PTPN4: variants seen among roughly 807,000 people sequenced by gnomAD.
PTPN4 encodes tyrosine-protein phosphatase non-receptor type 4.
In PTPN4, 49 loss-of-function variants were observed where a neutral mutation model predicts 135.5. The observed-to-expected ratio is 0.36, with a 90% CI of 0.29 to 0.46. The LOEUF is 0.46. PTPN4 is among the 20% of genes least tolerant of loss of function. PTPN4 has a pLI of 1.00. For missense variants in PTPN4, 860 were observed against 1,101.0 expected (o/e 0.78, Z 3.10); for synonymous variants, 333 against 369.9 (o/e 0.90, Z 1.14).
At chr2:119,806,107 C>A (rs1204649034) in intron 1 of PTPN4, among the ~76,000 whole-genome samples, 1 of 152,106 alleles carries the variant, frequency 6.6e-6, no homozygotes, top group Non-Finnish European at 1.5e-5. Context: ...ACAACTGGTA[C>A]CCGCCACTGT....
At chr2:119,935,900 C>T (rs2105040444) in intron 15 of PTPN4, among the ~76,000 whole-genome samples, 2 of 152,208 alleles carry the variant, frequency 1.3e-5, no homozygotes, top group South Asian at 4.2e-4. Context: ...TTATTACAAA[C>T]CAAAACCAAT....
rs565434153 is a variant in PTPN4 at position 119,880,323 on chromosome 2, A to G, written c.369-1463A>G. On this transcript the variant is annotated intron_variant, in intron 5 of 26. Coordinates refer to ENST00000263708, the MANE Select transcript of PTPN4 (RefSeq NM_002830.4). ...AGTATGTAAGTAAAATTTGGCAAGT[A>G]TAGGCATTATTTATGTCAGATTTAC... Among the ~76,000 whole-genome samples, 84 of 152,320 alleles carry G rather than the reference A, an allele frequency of 5.5e-4. No individual in the cohort carries two copies. The South Asian group carries it at 8.3e-3, about 15-fold the overall frequency.
intron 1 of PTPN4, among the ~76,000 whole-genome samples, chr2:119,792,820 G>T (rs1343817846): frequency 6.6e-6 from 1 of 152,188 alleles, no homozygotes; most frequent in African/African-American, 2.4e-5. Flanking sequence ...ATGTCAGTAG[G>T]TTCTGTGATG....
At chr2:119,807,042 C>T (rs1691484233) in intron 1 of PTPN4, among the ~76,000 whole-genome samples, 1 of 152,112 alleles carries the variant, frequency 6.6e-6, no homozygotes, top group South Asian at 2.1e-4. Context: ...AGAACAAAGA[C>T]ACAACGTACC....
At chr2:119,768,689 C>G (rs1690681726) in intron 1 of PTPN4, among the ~76,000 whole-genome samples, 1 of 152,178 alleles carries the variant, frequency 6.6e-6, no homozygotes, top group Non-Finnish European at 1.5e-5. Flanking sequence ...CTTCCGACCC[C>G]GCATTAGTTG....
chr2:119,841,580 AG>A (rs1677382265), intron 2 of PTPN4, among the ~76,000 whole-genome samples: 1 of 152,206 alleles, frequency 6.6e-6, no homozygotes, highest in South Asian at 2.1e-4. Flanking sequence ...CTCCAGCTGT[AG>A]TACTAATAGT....
intron 2 of PTPN4, among the ~76,000 whole-genome samples, chr2:119,842,759 ATCT>A (rs746067648): frequency 3.5e-4 from 54 of 152,224 alleles, no homozygotes; most frequent in Non-Finnish European, 7.3e-4. Context: ...CAATGGTAAC[ATCT>A]TCTCTAACTG....
chr2:119,812,378 C>T (rs750687564), intron 2 of PTPN4, among the ~76,000 whole-genome samples: 5 of 152,096 alleles, frequency 3.3e-5, no homozygotes, highest in Non-Finnish European at 5.9e-5. Flanking sequence ...TGGAGACTAC[C>T]AGGCATTGGA....
chr2:119,877,245 A>G, intron 3 of PTPN4, 78 bp from the exon 4 acceptor site: 1 of 1,487,574 alleles, frequency 6.7e-7, no homozygotes. Flanking sequence ...TTAATCTCCA[A>G]ATGGAACAGA....
chr2:119,784,913 TG>T, intron 1 of PTPN4, among the ~76,000 whole-genome samples: 1 of 151,062 alleles, frequency 6.6e-6, no homozygotes, highest in South Asian at 2.1e-4. Flanking sequence ...TTTATCAGTC[TG>T]GGTTCCTCAT....
intron 2 of PTPN4, among the ~76,000 whole-genome samples, chr2:119,840,343 C>T (rs1221235196): frequency 1.3e-5 from 2 of 152,180 alleles, no homozygotes; most frequent in Non-Finnish European, 2.9e-5. Context: ...CTCCCACTTA[C>T]AAGTGAGAAC....
intron 1 of PTPN4, among the ~76,000 whole-genome samples, chr2:119,783,169 T>C (rs79663394): frequency 0.023 from 3,531 of 152,308 alleles, 128 homozygotes; most frequent in African/African-American, 0.077. Context: ...TCATTCATTT[T>C]TGCAGTAAGG....
chr2:119,874,926 T>C (rs777297487), intron 3 of PTPN4, among the ~76,000 whole-genome samples: 1 of 152,202 alleles, frequency 6.6e-6, no homozygotes, highest in African/African-American at 2.4e-5. Context: ...CTCACGTGTG[T>C]GTCATCAAAC....
chr2:119,956,714 A>G lies in PTPN4; in HGVS notation c.1981-130A>G, dbSNP rs1195041910. On this transcript the variant is annotated intron_variant, in intron 20 of 26. Coordinates refer to ENST00000263708, the MANE Select transcript of PTPN4 (RefSeq NM_002830.4). ...TCAGTACTCTACTAGACTATGGTAT[A>G]TCATTGTATAGATGACCTATTCAAA... 3.4e-6 allele frequency: 5 copies of G among 1,457,076 alleles called. No homozygotes were observed. The South Asian group carries it at 4.0e-5, about 12-fold the overall frequency. The allele number at this position is 1,457,076 out of a possible 1,614,324, so 90.3% of individuals were successfully genotyped here. A position where few individuals can be genotyped will look rare whatever the true frequency, so the allele number is the denominator to read the frequency against.
At chr2:119,955,073 T>G in intron 19 of PTPN4, 84 bp from the exon 20 acceptor site, 2 of 1,233,182 alleles carry the variant, frequency 1.6e-6, no homozygotes, top group Non-Finnish European at 2.2e-6. Context: ...AACAAAACAT[T>G]ATACAGTGTA....
At chr2:119,764,883 A>G (rs913505629) in intron 1 of PTPN4, among the ~76,000 whole-genome samples, 2 of 152,202 alleles carry the variant, frequency 1.3e-5, no homozygotes, top group Non-Finnish European at 2.9e-5. Context: ...TATTTAAAAA[A>G]TAAAGTTGTG....
At chr2:119,828,055 A>C (rs13417007) in intron 2 of PTPN4, among the ~76,000 whole-genome samples, 9,071 of 152,182 alleles carry the variant, frequency 0.06, 880 homozygotes, top group African/African-American at 0.21. Context: ...GCAGCTTCCA[A>C]TTGGGTCTCC....
At chr2:119,835,351 A>T (rs1003615160) in intron 2 of PTPN4, among the ~76,000 whole-genome samples, 6 of 151,952 alleles carry the variant, frequency 3.9e-5, no homozygotes, top group Admixed American at 2.6e-4. Flanking sequence ...CGCCCAGCTA[A>T]TTTTTGTATT....
intron 24 of PTPN4, among the ~76,000 whole-genome samples, chr2:119,965,094 A>G (rs537838677): frequency 6.6e-6 from 1 of 152,126 alleles, no homozygotes; most frequent in Non-Finnish European, 1.5e-5. Context: ...GGTTGGGATA[A>G]GGTGGATGAA....
Sources: gnomAD v4.1 joint callset for allele counts (sites outside exome capture counted in the v4.1 genomes callset) on GRCh38, gnomAD v4.1.1 for gene constraint, MANE v1.5 for transcripts, NCBI Gene and HGNC (gene_info 2026-07-23, HGNC 2026-07-21) for gene names.